The following TRIM66 variants were observed in gnomAD, a reference collection of about 807,000 sequenced individuals.
TRIM66 encodes the protein tripartite motif containing 66, also known as tripartite motif-containing protein 66.
In TRIM66, 99 loss-of-function variants were observed where a neutral mutation model predicts 148.2. The observed-to-expected ratio is 0.67, with a 90% CI of 0.57 to 0.79. The LOEUF (loss-of-function observed/expected upper bound fraction) is 0.79. Ranked by LOEUF, TRIM66 falls within the 30% of genes least tolerant of loss-of-function variation. The pLI is 0.00. For synonymous variants in TRIM66, 616 were observed against 635.9 expected, an observed-to-expected ratio of 0.97 and a Z score of 0.47; for missense variants, 1,666 against 1,697.9, an observed-to-expected ratio of 0.98 and a Z score of 0.33.
intron 6 of TRIM66, among the ~76,000 whole-genome samples, chr11:8,669,469 C>T (rs767522197): frequency 6.6e-6 from 1 of 152,056 alleles, no homozygotes. Context: ...CATGGCGAAA[C>T]CCTGTCTCTA....
intron 15 of TRIM66, among the ~76,000 whole-genome samples, chr11:8,633,971 A>C (rs568199626): frequency 3.9e-5 from 6 of 152,296 alleles, no homozygotes; most frequent in African/African-American, 1.4e-4. Flanking sequence ...TCTGCATCAC[A>C]GGAATGCCTA....
At chr11:8,621,865 G>T in intron 18 of TRIM66, 46 bp from the exon 19 acceptor site, 1 of 1,472,342 alleles carries the variant, frequency 6.8e-7, no homozygotes, top group South Asian at 1.4e-5. Flanking sequence ...ATCCTCCTCT[G>T]GTCCCAACCT....
At chr11:8,618,116 T>C in intron 24 of TRIM66, 113 bp from the exon 25 acceptor site, 1 of 1,035,612 alleles carries the variant, frequency 9.7e-7, no homozygotes, top group Non-Finnish European at 1.4e-6. Context: ...TATTCTACCC[T>C]AGGAATGCAG....
intron 10 of TRIM66, among the ~76,000 whole-genome samples, chr11:8,646,921 A>G (rs2036895698): frequency 9.5e-6 from 1 of 105,162 alleles, no homozygotes; most frequent in Non-Finnish European, 2.0e-5. Flanking sequence ...CCATGAGGTA[A>G]AAAGAGGCAG....
At chr11:8,664,136 TCA>T (rs1315838513) in intron 6 of TRIM66, among the ~76,000 whole-genome samples, 2 of 152,204 alleles carry the variant, frequency 1.3e-5, no homozygotes, top group Non-Finnish European at 2.9e-5. Flanking sequence ...TAAAGTGTTC[TCA>T]CCACCAAAAT....
upstream of TRIM66, chr11:8,682,874 T>G: frequency 5.7e-6 from 9 of 1,570,088 alleles, no homozygotes; most frequent in Non-Finnish European, 7.8e-6. Context: ...TAAGCTGTAT[T>G]CCCATTGCCC....
Position 8,618,922 on chromosome 11 carries a change from AAGAACACTTCCAGG to A in TRIM66, c.3933_3946del (p.Leu1312Ter). Reference sequence around the variant, plus strand: ...GTAGATCTCCTTCAACCAGCCCTCAAAGAACACTTCCAGGCAGCGGCCAGCCTCTGCAACCTCGG... The same window carrying A: ...GTAGATCTCCTTCAACCAGCCCTCAACAGCGGCCAGCCTCTGCAACCTCGG... On this transcript the variant is annotated frameshift_variant, in exon 24 of 25. Transcript: ENST00000646038. LOFTEE classifies it high-confidence loss of function. The A allele has an allele frequency of 1.9e-6, 3 of 1,547,712 alleles. No individual in the cohort carries two copies. Among genetic ancestry groups the A allele is most frequent in the Non-Finnish European group, 2.6e-6 (3 of 1,145,654 alleles).
rs11042022 is a variant in TRIM66 at position 8,640,543 on chromosome 11, T to C, written c.1832A>G (p.His611Arg). Reference sequence around the variant, plus strand: ...GGGAGGGGGAAGGGGAGGTGGGGGATGGGGGAGGGGTGGTGGTGGAGGTGG... The same window carrying C: ...GGGAGGGGGAAGGGGAGGTGGGGGACGGGGGAGGGGTGGTGGTGGAGGTGG... Reference protein sequence around the residue: ...QLPPPPPPLPHPPPPLPPPPQ... With the variant: ...QLPPPPPPLPRPPPPLPPPPQ... The change falls in exon 14 of 25, where the codon CAT becomes CGT. Residue 611 changes from histidine to arginine, a missense_variant. Physicochemically the swap from His to Arg is conservative, Grantham distance 29 (BLOSUM62 0). This residue lies in a region of TRIM66 where 1,431 missense variants were observed against 1,412.4 expected (regional missense o/e 1.01). Transcript: ENST00000646038. 0.91 allele frequency: 1,342,014 copies of C among 1,482,860 alleles called. 601,513 individuals are homozygous for C. Among genetic ancestry groups the C allele is most frequent in the South Asian group, 0.92 (74,456 of 81,006 alleles). 91.9% of individuals were successfully genotyped at this position (1,482,860 alleles called of 1,614,324 possible). A position where few individuals can be genotyped will look rare whatever the true frequency, so the allele number is the denominator to read the frequency against.
rs2037188855 is a variant in TRIM66, at chr11:8,649,731, G to A, written c.592+9C>T. On this transcript the variant is annotated intron_variant, in intron 8 of 24. Coordinates refer to ENST00000646038, the MANE Select transcript of TRIM66 (RefSeq NM_001388022.1). ...CATGGGAGTGGGCAGGGAGAGGTGG[G>A]ATTGGTACCTGGAGATCCCTTCTGG... 1.9e-6 allele frequency: 3 copies of A among 1,550,774 alleles called. No homozygotes were observed. Among genetic ancestry groups the A allele is most frequent in the Non-Finnish European group, 2.6e-6 (3 of 1,146,938 alleles).
At chr11:8,642,519 A>C (rs937997273) in intron 13 of TRIM66, among the ~76,000 whole-genome samples, 4 of 152,160 alleles carry the variant, frequency 2.6e-5, no homozygotes, top group African/African-American at 9.7e-5. Context: ...AAAAATGCAC[A>C]AGGCCATGAA....
At position 8,640,633 on chromosome 11, in the gene TRIM66, A is replaced by G. The variant is rs1283343899; in HGVS notation, c.1742T>C (p.Val581Ala). The stretch of plus-strand genomic sequence containing the variant: ...CAGCTTCTGGTGGTGGCCAAACTGG[A>G]CTTGGATAGAGGGTGTCTGTAAGGT... ...QPTLQTPSIQ[V>A]QFGHHQKLKL... The change falls in exon 14 of 25, where the codon GTC becomes GCC. Residue 581 changes from valine (V) to alanine (A), a missense_variant. Val to Ala is a moderately conservative substitution (Grantham distance 64). Transcript: ENST00000646038. 1.9e-6 allele frequency: 3 copies of G among 1,551,312 alleles called. No homozygotes were observed. In the East Asian group the frequency reaches 7.3e-5, roughly 38 times the overall value.
rs1015136130 is a variant in TRIM66 at position 8,612,490 on chromosome 11, C to T, written c.*5454G>A. On this transcript the variant is annotated 3_prime_UTR_variant, in exon 25 of 25. Transcript: ENST00000646038. The stretch of plus-strand genomic sequence containing the variant: ...TGAGGAAACTGTATCCAAGGTTACA[C>T]AGCTCATAATGGAAAGAGCCAAAAA... 2.0e-5 allele frequency: 3 copies of T among 152,252 alleles called. No homozygotes were observed. Among genetic ancestry groups the T allele is most frequent in the African/African-American group, 7.2e-5 (3 of 41,464 alleles). The allele number at this position is 152,252 out of a possible 1,614,324, so 9.4% of individuals were successfully genotyped here.
rs2034431979 is a variant in TRIM66, at chr11:8,622,808, G to A, written c.3080+8C>T. 1 of 1,551,652 alleles carries A rather than the reference G, an allele frequency of 6.4e-7. No individual in the cohort carries two copies. The highest frequency in any genetic ancestry group is 8.7e-7 in the Non-Finnish European group (1 of 1,146,788). ...GGGTGGGAGGGAGATTAGCCAGAAG[G>A]CTGTTACCTGATGCTCTGGTTCTCT... On this transcript the variant is annotated splice_region_variant and intron_variant, in intron 18 of 24. Transcript: ENST00000646038.
At chr11:8,660,691 C>A (rs1204627865) in intron 6 of TRIM66, among the ~76,000 whole-genome samples, 1 of 152,210 alleles carries the variant, frequency 6.6e-6, no homozygotes, top group Admixed American at 6.5e-5. Flanking sequence ...TAGCCTCACC[C>A]TTTGGAGTTT....
chr11:8,624,874 T>A lies in TRIM66; in HGVS notation c.2665A>T (p.Thr889Ser). 1.9e-6 allele frequency: 3 copies of A among 1,551,644 alleles called. No homozygotes were observed. Among genetic ancestry groups the A allele is most frequent in the Non-Finnish European group, 2.6e-6 (3 of 1,146,954 alleles). Residue 889 changes from threonine (T) to serine (S), a missense_variant, in exon 16 of 25, where the codon ACC (threonine) becomes TCC (serine). Thr to Ser is a moderately conservative substitution (Grantham distance 58). Coordinates refer to ENST00000646038, the MANE Select transcript of TRIM66 (RefSeq NM_001388022.1). ...QAGPSLMSGH[T>S]QAVPSLATCP... ...GTTGCCAGACTCGGCACAGCCTGGG[T>A]GTGACCAGACATTAGGCTGGGCCCA...
In TRIM66 at chr11:8,663,564, T is replaced by A. The variant is rs577737451; in HGVS notation, c.340+8222A>T. Among the ~76,000 whole-genome samples the A allele has an allele frequency of 1.5e-3, 225 of 152,232 alleles. 1 individual carries two copies. Among genetic ancestry groups the A allele is most frequent in the African/African-American group, 5.3e-3 (222 of 41,540 alleles). The stretch of plus-strand genomic sequence containing the variant: ...TCCCCCTGCCCCCCCACAAAATCTC[T>A]TAATATTTTCAGGCTGTGAGTAACT... On this transcript the variant is annotated intron_variant, in intron 6 of 24. Transcript: ENST00000646038.
rs1425506046 is a variant in TRIM66 at position 8,671,912 on chromosome 11, G to A, written c.214C>T (p.His72Tyr). The change falls in exon 6 of 25, where the codon CAT (histidine) becomes TAT (tyrosine). Residue 72 changes from histidine to tyrosine, a missense_variant. This residue lies in a region of TRIM66 where 1,431 missense variants were observed against 1,412.4 expected (regional missense o/e 1.01). Transcript: ENST00000646038. ...EAMVMTCSLC[H>Y]QDLPGMGSHL... ...GAGCCCATACCTGGCAGGTCCTGAT[G>A]GCACAATGAGCAGGTCATTACCATG... 9 of 1,536,118 alleles carry A rather than the reference G, an allele frequency of 5.9e-6. No individual in the cohort carries two copies. Among genetic ancestry groups the A allele is most frequent in the South Asian group, 4.8e-5 (4 of 84,064 alleles).
At position 8,612,502 on chromosome 11, in the gene TRIM66, G is replaced by GA. The variant is rs1475801535; in HGVS notation, c.*5441dup. 1 of 152,150 alleles carries GA rather than the reference G, an allele frequency of 6.6e-6. No individual in the cohort carries two copies. Among genetic ancestry groups the GA allele is most frequent in the African/African-American group, 2.4e-5 (1 of 41,432 alleles). 9.4% of individuals were successfully genotyped at this position (152,150 alleles called of 1,614,324 possible). Reference sequence around the variant, plus strand: ...ATCCAAGGTTACACAGCTCATAATGGAAAGAGCCAAAAATTTTGGTGTTCA... The same window carrying GA: ...ATCCAAGGTTACACAGCTCATAATGGAAAAGAGCCAAAAATTTTGGTGTTCA... On this transcript the variant is annotated 3_prime_UTR_variant, in exon 25 of 25. Coordinates refer to ENST00000646038, the MANE Select transcript of TRIM66 (RefSeq NM_001388022.1).
intron 15 of TRIM66, among the ~76,000 whole-genome samples, chr11:8,634,722 A>G (rs1273879915): frequency 6.6e-6 from 1 of 152,192 alleles, no homozygotes; most frequent in Non-Finnish European, 1.5e-5. Flanking sequence ...TCCATTCTAG[A>G]ACTTTCACAT....
Sources: allele counts gnomAD v4.1 joint callset (sites outside exome capture counted in the v4.1 genomes callset), GRCh38; gene constraint gnomAD v4.1.1; regional missense constraint gnomAD v4.1.1; transcripts MANE v1.5; gene names NCBI Gene and HGNC (gene_info 2026-07-23, HGNC 2026-07-21).